Variants in EYS observed in about 807,000 individuals in gnomAD.
EYS encodes the protein EGF-like photoreceptor maintenance factor.
A neutral mutation model predicts 282.1 loss-of-function variants in EYS; 250 were observed. That is an observed-to-expected ratio of 0.89 (90% CI 0.80 to 0.98). The LOEUF is 0.98. Ranked by LOEUF, EYS falls within the 50% of genes least tolerant of loss-of-function variation. The pLI is 0.00. For synonymous variants in EYS, 1,355 were observed against 1,282.9 expected, an observed-to-expected ratio of 1.06 and a Z score of -1.20; for missense variants, 4,016 against 3,709.0, an observed-to-expected ratio of 1.08 and a Z score of -2.15.
chr6:63,959,857 G>A (rs1030591470), intron 35 of EYS, among the ~76,000 whole-genome samples: 2 of 152,020 alleles, frequency 1.3e-5, no homozygotes, highest in Admixed American at 1.3e-4. Context: ...ATGGCCTGTA[G>A]GGGAGTGGGG....
intron 30 of EYS, among the ~76,000 whole-genome samples, chr6:64,283,306 G>T (rs1301341243): frequency 6.6e-6 from 1 of 152,080 alleles, no homozygotes; most frequent in African/African-American, 2.4e-5. Flanking sequence ...AATATGCTCT[G>T]ATTCCTTACT....
In EYS at chr6:63,735,398, CAG is replaced by C. The variant is rs1381165994; in HGVS notation, c.8072-8720_8072-8719del. ...AAAAAGAACTCTCATCTCTTTCACC[CAG>C]ACTCTCCAATTGTTCCTATTTTATT... On this transcript the variant is annotated intron_variant, in intron 41 of 42. Transcript: ENST00000503581. 2.6e-5 allele frequency among the ~76,000 whole-genome samples: 4 copies of C among 152,096 alleles called. No homozygotes were observed. In the East Asian group the frequency reaches 7.7e-4, roughly 29 times the overall value.
At chr6:65,619,552 C>G (rs930165580) in intron 2 of EYS, among the ~76,000 whole-genome samples, 1 of 152,022 alleles carries the variant, frequency 6.6e-6, no homozygotes, top group African/African-American at 2.4e-5. Flanking sequence ...TATTTCCTTC[C>G]ACTGCCTAAT....
intron 36 of EYS, among the ~76,000 whole-genome samples, chr6:63,850,848 C>A (rs1772228338): frequency 6.6e-6 from 1 of 152,088 alleles, no homozygotes; most frequent in South Asian, 2.1e-4. Flanking sequence ...TGTAAATGGG[C>A]TAAATGCCCC....
intron 13 of EYS, among the ~76,000 whole-genome samples, chr6:65,008,566 C>T (rs186047353): frequency 6.6e-6 from 1 of 152,300 alleles, no homozygotes; most frequent in Admixed American, 6.5e-5. Flanking sequence ...ATAGGCCTTG[C>T]TTCCAGTGCA....
intron 31 of EYS, among the ~76,000 whole-genome samples, chr6:64,222,694 A>C (rs1766138829): frequency 6.6e-6 from 1 of 152,050 alleles, no homozygotes; most frequent in African/African-American, 2.4e-5. Context: ...TAGTTATCTG[A>C]AAATGTGTTC....
At chr6:63,836,947 C>CTT (rs59071203) in intron 36 of EYS, among the ~76,000 whole-genome samples, 5 of 151,584 alleles carry the variant, frequency 3.3e-5, no homozygotes, top group African/African-American at 9.7e-5. Flanking sequence ...CATTCTCTGC[C>CTT]TTTTTTTTGA....
chr6:63,940,152 C>G (rs1562106025), intron 35 of EYS, among the ~76,000 whole-genome samples: 1 of 151,958 alleles, frequency 6.6e-6, no homozygotes, highest in Non-Finnish European at 1.5e-5. Context: ...GTTATGGGAC[C>G]CATATGAAGT....
At chr6:64,373,285 G>A (rs1009418822) in intron 29 of EYS, among the ~76,000 whole-genome samples, 5 of 152,120 alleles carry the variant, frequency 3.3e-5, no homozygotes, top group Admixed American at 6.6e-5. Context: ...GTATAGGTGT[G>A]CTTGGTTGAA....
At chr6:64,026,127 G>A (rs1452225717) in intron 33 of EYS, among the ~76,000 whole-genome samples, 3 of 152,160 alleles carry the variant, frequency 2.0e-5, no homozygotes, top group Admixed American at 6.5e-5. Context: ...TAGGGTCAGG[G>A]ACCGTTGTGG....
At position 64,274,915 on chromosome 6, in the gene EYS, C is replaced by A. The variant is rs1305024682; in HGVS notation, c.6191+32055G>T. Among the ~76,000 whole-genome samples, 3 of 152,272 alleles carry A rather than the reference C, an allele frequency of 2.0e-5. No homozygotes were observed. The East Asian group carries it at 5.8e-4, about 29-fold the overall frequency. ...TGAATGCCTAGTGGCGACTATCTGG[C>A]AGCTGGAAGCTGGAACAACAATGCC... On this transcript the variant is annotated intron_variant, in intron 30 of 42. Transcript: ENST00000503581.
intron 33 of EYS, among the ~76,000 whole-genome samples, chr6:64,027,174 A>G (rs546034376): frequency 2.6e-5 from 4 of 152,188 alleles, no homozygotes; most frequent in Non-Finnish European, 5.9e-5. Context: ...ACCTTGACTC[A>G]GATCATGGGG....
intron 36 of EYS, among the ~76,000 whole-genome samples, chr6:63,807,119 T>C (rs1770926803): frequency 6.6e-6 from 1 of 152,170 alleles, no homozygotes; most frequent in African/African-American, 2.4e-5. Flanking sequence ...TTCTCTTTCA[T>C]TGTACTGTTT....
At chr6:65,077,407 A>C (rs1774088987) in intron 12 of EYS, among the ~76,000 whole-genome samples, 1 of 152,126 alleles carries the variant, frequency 6.6e-6, no homozygotes, top group Non-Finnish European at 1.5e-5. Flanking sequence ...ACTATGATTC[A>C]ATAAGGTAAG....
At chr6:64,693,020 AT>A (rs35133755) in intron 22 of EYS, among the ~76,000 whole-genome samples, 75,628 of 96,920 alleles carry the variant, frequency 0.78, 28,707 homozygotes, top group Non-Finnish European at 0.83. Context: ...GAATTTTAGA[AT>A]TTTTTTTTTC....
At chr6:65,397,816 CTT>C (rs1381333696) in intron 7 of EYS, among the ~76,000 whole-genome samples, 2 of 151,906 alleles carry the variant, frequency 1.3e-5, no homozygotes, top group African/African-American at 4.8e-5. Context: ...ATTTTTAGCT[CTT>C]TGAGAAATCT....
intron 18 of EYS, among the ~76,000 whole-genome samples, chr6:64,895,429 A>C (rs1220920994): frequency 1.3e-5 from 2 of 152,194 alleles, no homozygotes; most frequent in African/African-American, 4.8e-5. Flanking sequence ...CATTCAATGA[A>C]ATTCCAATCA....
At chr6:64,331,604 C>A (rs1309734291) in intron 29 of EYS, among the ~76,000 whole-genome samples, 2 of 151,732 alleles carry the variant, frequency 1.3e-5, no homozygotes, top group African/African-American at 4.8e-5. Context: ...CCCCCCCGCC[C>A]GCCCAGTTCA....
At chr6:64,542,421 A>G (rs978189465) in intron 26 of EYS, among the ~76,000 whole-genome samples, 1 of 152,032 alleles carries the variant, frequency 6.6e-6, no homozygotes, top group Admixed American at 6.6e-5. Context: ...TCTCAATTAT[A>G]CTGTTTATTA....
Sources: allele counts gnomAD v4.1 joint callset (sites outside exome capture counted in the v4.1 genomes callset), GRCh38; gene constraint gnomAD v4.1.1; transcripts MANE v1.5; gene names NCBI Gene and HGNC (gene_info 2026-07-23, HGNC 2026-07-21).